The following EGFR variants were observed in gnomAD, a reference collection of about 807,000 sequenced individuals.
EGFR encodes avian erythroblastic leukemia viral (v-erb-b) oncogene homolog.
A neutral mutation model predicts 143.0 loss-of-function variants in EGFR; 58 were observed. That is an observed-to-expected ratio of 0.41 (90% confidence interval 0.33 to 0.50). EGFR has a LOEUF of 0.50. Ranked by LOEUF, EGFR falls within the 20% of genes least tolerant of loss-of-function variation. The pLI is 0.39. For synonymous variants in EGFR, 613 were observed against 594.4 expected (o/e 1.03, Z -0.45); for missense variants, 1,307 against 1,579.0 (o/e 0.83, Z 2.92).
chr7:55,161,620 C>A lies in EGFR; in HGVS notation c.1620C>A (p.Asn540Lys), dbSNP rs1340266257. ...SRGRECVDKC[N>K]LLEGEPREFV... ...GCAGGGAATGCGTGGACAAGTGCAACCTTCTGGAGGGGTAGGAGGTTATTT... is the reference window on the plus strand; with the variant it reads ...GCAGGGAATGCGTGGACAAGTGCAAACTTCTGGAGGGGTAGGAGGTTATTT... Residue 540 changes from asparagine to lysine, a missense_variant, in exon 13 of 28, where the codon AAC (asparagine) becomes AAA (lysine). Physicochemically the swap from Asn to Lys is moderately conservative, Grantham distance 94 (BLOSUM62 0). Transcript: ENST00000275493. The A allele has an allele frequency of 6.2e-7, 1 of 1,614,150 alleles. No homozygotes were observed. Among genetic ancestry groups the A allele is most frequent in the African/African-American group, 1.3e-5 (1 of 74,954 alleles).
intron 22 of EGFR, among the ~76,000 whole-genome samples, chr7:55,196,469 G>A (rs745435580): frequency 6.6e-6 from 1 of 151,962 alleles, no homozygotes; most frequent in Non-Finnish European, 1.5e-5. Flanking sequence ...CATTCTGTGG[G>A]TTGTCTTCAC....
At chr7:55,155,097 T>A (rs17336646) in intron 7 of EGFR, among the ~76,000 whole-genome samples, 1 of 152,200 alleles carries the variant, frequency 6.6e-6, no homozygotes, top group Non-Finnish European at 1.5e-5. Flanking sequence ...AGAAGAATCA[T>A]CAATGTCCTA....
intron 3 of EGFR, 60 bp from the exon 4 acceptor site, chr7:55,146,546 C>G (rs2128929282): frequency 6.2e-7 from 1 of 1,610,558 alleles, no homozygotes; most frequent in East Asian, 2.2e-5. Flanking sequence ...GCACATGCAT[C>G]CTTCATGGGA....
At position 55,128,079 on chromosome 7, in the gene EGFR, A is replaced by G. The variant is rs542308810; in HGVS notation, c.89-14207A>G. On this transcript the variant is annotated intron_variant, in intron 1 of 27. Coordinates refer to ENST00000275493, the MANE Select transcript of EGFR (RefSeq NM_005228.5). ...TGAGCCTGGATTGGTGCTTAGACCT[A>G]TAATGGGTGCAAGCAGCGTTCATTC... Among the ~76,000 whole-genome samples, 23 of 152,354 alleles carry G rather than the reference A, an allele frequency of 1.5e-4. 1 individual carries two copies. The South Asian group carries it at 4.8e-3, about 32-fold the overall frequency.
At chr7:55,193,894 C>T (rs1787506733) in intron 22 of EGFR, among the ~76,000 whole-genome samples, 1 of 152,052 alleles carries the variant, frequency 6.6e-6, no homozygotes, top group African/African-American at 2.4e-5. Context: ...GTCTTTATCT[C>T]TTCTGTTAAA....
intron 1 of EGFR, among the ~76,000 whole-genome samples, chr7:55,027,989 AAAATATATATATATATATAT>A (rs1167617153): frequency 5.3e-4 from 39 of 74,038 alleles, no homozygotes; most frequent in Middle Eastern, 6.3e-3. Flanking sequence ...AAAAAAAAAA[AAAATATATATATATATATAT>A]ATATATATAT....
intron 1 of EGFR, among the ~76,000 whole-genome samples, chr7:55,043,338 G>C (rs1326494178): frequency 6.6e-6 from 1 of 152,068 alleles, no homozygotes; most frequent in African/African-American, 2.4e-5. Flanking sequence ...GGTCAGGGAT[G>C]GTGGTAAACA....
At chr7:55,168,315 T>A (rs1176246558) in intron 15 of EGFR, among the ~76,000 whole-genome samples, 1 of 152,254 alleles carries the variant, frequency 6.6e-6, no homozygotes, top group Admixed American at 6.5e-5. Flanking sequence ...TATCTCTGCA[T>A]CAATATCTCT....
At chr7:55,078,842 G>T (rs985757821) in intron 1 of EGFR, among the ~76,000 whole-genome samples, 1 of 152,196 alleles carries the variant, frequency 6.6e-6, no homozygotes, top group African/African-American at 2.4e-5. Context: ...GCGTTGCTGA[G>T]ACAGAAAGTT....
chr7:55,196,364 G>C (rs1353120000), intron 22 of EGFR, among the ~76,000 whole-genome samples: 4 of 151,606 alleles, frequency 2.6e-5, no homozygotes, highest in Non-Finnish European at 5.9e-5. Context: ...TTTTTAATGG[G>C]ATTGTTTAAT....
Position 55,181,387 on chromosome 7 carries a change from T to C in EGFR, c.2378T>C (p.Met793Thr), listed in dbSNP as rs2128958672. ...TSTVQLITQL[M>T]PFGCLLDYVR... ...ACCGTGCAGCTCATCACGCAGCTCA[T>C]GCCCTTCGGCTGCCTCCTGGACTAT... The change falls in exon 20 of 28, where the codon ATG (methionine) becomes ACG (threonine). Residue 793 changes from methionine (M) to threonine (T), a missense_variant. Around this residue, in one of 7 missense-constraint regions of EGFR, gnomAD observed 348 missense variants for 451.5 expected, o/e 0.77. Coordinates refer to ENST00000275493, the MANE Select transcript of EGFR (RefSeq NM_005228.5). 6.2e-7 allele frequency: 1 copy of C among 1,614,228 alleles called. No individual in the cohort carries two copies. The highest frequency in any genetic ancestry group is 1.1e-5 in the South Asian group (1 of 91,084).
Position 55,206,947 on chromosome 7 carries a change from C to T in EGFR, c.*1330C>T, listed in dbSNP as rs940060846. 2 of 233,072 alleles carry T rather than the reference C, an allele frequency of 8.6e-6. No individual in the cohort carries two copies. The highest frequency in any genetic ancestry group is 4.4e-5 in the African/African-American group (2 of 45,328). The allele number at this position is 233,072 out of a possible 1,614,324, so 14.4% of individuals were successfully genotyped here. A position where few individuals can be genotyped will look rare whatever the true frequency, so the allele number is the denominator to read the frequency against. The stretch of plus-strand genomic sequence containing the variant: ...TAGGGTTTGAAATTGATAATGCTTT[C>T]ACAACATTTGCAGATGTTTTAGAAG... On this transcript the variant is annotated 3_prime_UTR_variant, in exon 28 of 28. Transcript: ENST00000275493.
intron 1 of EGFR, among the ~76,000 whole-genome samples, chr7:55,042,766 C>T (rs977644023): frequency 6.6e-6 from 1 of 152,068 alleles, no homozygotes; most frequent in Admixed American, 6.6e-5. Flanking sequence ...TGCGGTCCCA[C>T]GTGAGGCTGG....
intron 1 of EGFR, among the ~76,000 whole-genome samples, chr7:55,127,088 A>T (rs1261675388): frequency 6.6e-6 from 1 of 152,216 alleles, no homozygotes; most frequent in Non-Finnish European, 1.5e-5. Context: ...CACGCACATC[A>T]ATACTTACAT....
chr7:55,070,960 A>G (rs1438145283), intron 1 of EGFR, among the ~76,000 whole-genome samples: 2 of 152,246 alleles, frequency 1.3e-5, no homozygotes, highest in Non-Finnish European at 1.5e-5. Context: ...TTCCATGGCA[A>G]CATGGGTATA....
chr7:55,156,890 CT>C, intron 10 of EGFR, 58 bp downstream of exon 10: 1 of 1,611,974 alleles, frequency 6.2e-7, no homozygotes, highest in Non-Finnish European at 8.5e-7. Flanking sequence ...AGAGAGAGAA[CT>C]TTTCGACATA....
intron 1 of EGFR, among the ~76,000 whole-genome samples, chr7:55,085,896 C>T (rs941867553): frequency 1.2e-4 from 18 of 152,278 alleles, no homozygotes; most frequent in African/African-American, 4.1e-4. Context: ...GCAGATGTGC[C>T]TCCGTGTTTT....
chr7:55,107,849 A>G (rs1792231062), intron 1 of EGFR, among the ~76,000 whole-genome samples: 1 of 152,228 alleles, frequency 6.6e-6, no homozygotes, highest in East Asian at 1.9e-4. Flanking sequence ...GCCTACTTGT[A>G]AAATAAATGG....
chr7:55,191,677 C>T (rs2128964251), intron 20 of EGFR, 42 bp from the exon 21 acceptor site: 2 of 1,612,136 alleles, frequency 1.2e-6, no homozygotes, highest in Non-Finnish European at 1.7e-6. Flanking sequence ...AGCTTCTTCC[C>T]ATGATGATCT....
Sources: gnomAD v4.1 joint callset for allele counts (sites outside exome capture counted in the v4.1 genomes callset) on GRCh38, gnomAD v4.1.1 for gene constraint, gnomAD v4.1.1 regional missense constraint, MANE v1.5 for transcripts, NCBI Gene and HGNC (gene_info 2026-07-23, HGNC 2026-07-21) for gene names.